ESR1: variants seen among roughly 807,000 people sequenced by gnomAD.
The protein encoded by ESR1 is estrogen receptor 1.
ESR1 carries 12 observed loss-of-function variants against 52.7 expected under a neutral mutation model. The observed-to-expected ratio is 0.23, with a 90% CI of 0.15 to 0.37. The LOEUF is 0.37. ESR1 is among the 10% of genes least tolerant of loss of function. The pLI, the probability that ESR1 is intolerant of heterozygous loss-of-function variation, is 1.00. For synonymous variants in ESR1, 305 were observed against 316.8 expected, an observed-to-expected ratio of 0.96 and a Z score of 0.39; for missense variants, 584 against 779.7, an observed-to-expected ratio of 0.75 and a Z score of 2.99.
rs375700321 is a variant in ESR1, at chr6:152,094,594, G to A, written c.1553+26G>A. ...GTGAGGCATCTGTGGGCTTCCTACA[G>A]GAGAGACATAAAGAAAACATGCCCC... is the stretch of plus-strand genomic sequence containing the variant. On this transcript the variant is annotated intron_variant, in intron 7 of 7. Transcript: ENST00000206249. The surrounding 1 kb of genome is among the most constrained non-coding windows in gnomAD (Gnocchi z 4.6). The A allele has an allele frequency of 1.2e-6, 2 of 1,609,806 alleles. No individual in the cohort carries two copies. Among genetic ancestry groups the A allele is most frequent in the Non-Finnish European group, 1.7e-6 (2 of 1,178,414 alleles).
intron 4 of ESR1, among the ~76,000 whole-genome samples, chr6:151,970,318 G>T (rs764590087): frequency 1.3e-5 from 2 of 151,994 alleles, no homozygotes; most frequent in Non-Finnish European, 2.9e-5. Flanking sequence ...TCTTTCTGTC[G>T]TAGCATACAA....
intron 3 of ESR1, among the ~76,000 whole-genome samples, chr6:151,912,994 G>A (rs1319222466): frequency 6.6e-6 from 1 of 151,738 alleles, no homozygotes; most frequent in Non-Finnish European, 1.5e-5. Flanking sequence ...CTAGATGACG[G>A]GTTGATAGGT....
At chr6:151,945,037 G>A (rs1458070316) in intron 4 of ESR1, among the ~76,000 whole-genome samples, 10 of 152,074 alleles carry the variant, frequency 6.6e-5, no homozygotes, top group Admixed American at 2.0e-4. Flanking sequence ...GCAACGTGGC[G>A]AAACCCTGTC....
intron 2 of ESR1, among the ~76,000 whole-genome samples, chr6:151,793,058 C>A (rs1776341765): frequency 6.6e-6 from 1 of 151,930 alleles, no homozygotes; most frequent in East Asian, 1.9e-4. Context: ...GCAGTCCCAG[C>A]TACTCGGGCG....
At chr6:152,064,118 C>T (rs1030510793) in intron 6 of ESR1, among the ~76,000 whole-genome samples, 4 of 152,218 alleles carry the variant, frequency 2.6e-5, no homozygotes, top group Admixed American at 6.5e-5. Context: ...ATAGGACACA[C>T]GTTGTTTGTT....
In ESR1 at chr6:152,098,948, T is replaced by C. The variant is rs2152507378; in HGVS notation, c.1770T>C (p.Gly590=). 6.2e-7 allele frequency: 1 copy of C among 1,613,802 alleles called. No homozygotes were observed. Among genetic ancestry groups the C allele is most frequent in the South Asian group, 1.1e-5 (1 of 91,070 alleles). Residue 590 remains glycine (G), a synonymous_variant, in exon 8 of 8, where the codon GGT becomes GGC. Transcript: ENST00000206249. This position sits in a 1 kb window ranked among gnomAD's most constrained non-coding sequence, Gnocchi z 5.1. The stretch of plus-strand genomic sequence containing the variant: ...ATTACATCACGGGGGAGGCAGAGGG[T>C]TTCCCTGCCACGGTCTGAGAGCTCC... The part of the protein sequence containing the change: ...QKYYITGEAE[G]FPATV
intron 1 of ESR1, among the ~76,000 whole-genome samples, chr6:151,815,557 C>T (rs945633935): frequency 2.0e-5 from 3 of 152,156 alleles, no homozygotes; most frequent in Non-Finnish European, 4.4e-5. Flanking sequence ...GGAAGGGATC[C>T]TTAGATGCCA....
At chr6:151,680,578 A>G (rs900613870) in intron 1 of ESR1, among the ~76,000 whole-genome samples, 7 of 152,106 alleles carry the variant, frequency 4.6e-5, no homozygotes, top group Non-Finnish European at 1.0e-4. Flanking sequence ...TGAGAGCACT[A>G]ATCCCATCAC....
At chr6:152,117,950 A>G (rs1312793739) in intron 6 of ESR1, among the ~76,000 whole-genome samples, 1 of 152,226 alleles carries the variant, frequency 6.6e-6, no homozygotes, top group Non-Finnish European at 1.5e-5. Flanking sequence ...TACTAAATCT[A>G]AAATTGAGAT....
chr6:152,032,099 G>A (rs2044769126), intron 5 of ESR1, among the ~76,000 whole-genome samples: 1 of 152,104 alleles, frequency 6.6e-6, no homozygotes, highest in African/African-American at 2.4e-5. Context: ...AACCCTTCAT[G>A]CTAAAAACTC....
In ESR1 at chr6:152,055,116, T is replaced by C. The variant is rs139939376; in HGVS notation, c.1236-5875T>C. ...GGTCACCCAGGTTGATTCCATATCT[T>C]GGCTATTGTGAATAATGCTACAGTG... On this transcript the variant is annotated intron_variant, in intron 5 of 7. Coordinates refer to ENST00000206249, the MANE Select transcript of ESR1 (RefSeq NM_000125.4). Among the ~76,000 whole-genome samples, 1,406 of 152,322 alleles carry C rather than the reference T, an allele frequency of 9.2e-3. 17 individuals carry two copies. The highest frequency in any genetic ancestry group is 0.032 in the African/African-American group (1,332 of 41,566).
At chr6:151,702,493 G>C (rs2115428821) in intron 2 of ESR1, among the ~76,000 whole-genome samples, 1 of 152,262 alleles carries the variant, frequency 6.6e-6, no homozygotes, top group East Asian at 1.9e-4. Flanking sequence ...AAATGTGAGT[G>C]TGCTTTTAAT....
intron 1 of ESR1, among the ~76,000 whole-genome samples, chr6:151,673,192 G>A (rs1778136358): frequency 6.6e-6 from 1 of 152,070 alleles, no homozygotes; most frequent in African/African-American, 2.4e-5. Flanking sequence ...AAGACATAAG[G>A]ATCACTGTAT....
intron 3 of ESR1, among the ~76,000 whole-genome samples, chr6:151,896,537 T>A (rs567904417): frequency 3.3e-5 from 5 of 152,334 alleles, no homozygotes; most frequent in African/African-American, 1.2e-4. Flanking sequence ...TAATATCTCC[T>A]GTTTGTTTCT....
At chr6:152,114,907 A>AAAAAAAAT (rs1400402510) in intron 6 of ESR1, among the ~76,000 whole-genome samples, 9 of 150,980 alleles carry the variant, frequency 6.0e-5, no homozygotes, top group African/African-American at 7.3e-5. Context: ...AAAAAAAAAA[A>AAAAAAAAT]AAAAAAAAAG....
intron 4 of ESR1, among the ~76,000 whole-genome samples, chr6:151,950,612 CAGA>C (rs773466737): frequency 6.6e-6 from 1 of 152,120 alleles, no homozygotes; most frequent in African/African-American, 2.4e-5. Context: ...CAGACATGCA[CAGA>C]AGAAGATGAT....
intron 3 of ESR1, among the ~76,000 whole-genome samples, chr6:151,903,231 T>A (rs1796950446): frequency 6.6e-6 from 1 of 152,232 alleles, no homozygotes; most frequent in African/African-American, 2.4e-5. Context: ...GAAGTCATCA[T>A]GTTTTCCTTC....
intron 3 of ESR1, among the ~76,000 whole-genome samples, chr6:151,933,715 T>A (rs963037702): frequency 6.6e-6 from 1 of 152,194 alleles, no homozygotes; most frequent in Non-Finnish European, 1.5e-5. Context: ...GAGATAATCA[T>A]GTGGTTTTTG....
At chr6:151,702,186 C>T (rs1337689770) in intron 2 of ESR1, among the ~76,000 whole-genome samples, 4 of 152,048 alleles carry the variant, frequency 2.6e-5, no homozygotes, top group Admixed American at 2.6e-4. Flanking sequence ...ACATGCGTTG[C>T]TTAGGTTGAA....
Sources: gnomAD v4.1 joint callset for allele counts (sites outside exome capture counted in the v4.1 genomes callset) on GRCh38, gnomAD v4.1.1 for gene constraint, Gnocchi (gnomAD v3.1) non-coding constraint, MANE v1.5 for transcripts, NCBI Gene and HGNC (gene_info 2026-07-23, HGNC 2026-07-21) for gene names.